PARD3B: variants seen among roughly 807,000 people sequenced by gnomAD.
PARD3B encodes partitioning defective 3 homolog B.
Under a neutral mutation model 130.2 loss-of-function variants are expected in PARD3B, and 103 were observed. The observed-to-expected ratio is 0.79, with a 90% CI of 0.67 to 0.93. The LOEUF (loss-of-function observed/expected upper bound fraction) is 0.93, where lower values mean the gene tolerates loss of function less well. PARD3B is among the 40% of genes least tolerant of loss of function. The pLI is 0.00. For synonymous variants in PARD3B, 583 were observed against 553.2 expected, an observed-to-expected ratio of 1.05 and a Z score of -0.76; for missense variants, 1,609 against 1,499.2, an observed-to-expected ratio of 1.07 and a Z score of -1.21.
Position 205,572,413 on chromosome 2 carries a change from C to T in PARD3B, c.3260+19010C>T, listed in dbSNP as rs2041832. On this transcript the variant is annotated intron_variant, in intron 22 of 22. Coordinates refer to ENST00000406610, the MANE Select transcript of PARD3B (RefSeq NM_001302769.2). The surrounding 1 kb of genome is among the most constrained non-coding windows in gnomAD (Gnocchi z 4.2). ...AAGAAATGGTTTAATCAGATTTGCA[C>T]TGTAGAGAAAGCCCCTTGATAATTT... is the stretch of plus-strand genomic sequence containing the variant. Among the ~76,000 whole-genome samples, 47,612 of 152,100 alleles carry T rather than the reference C, an allele frequency of 0.31. 7,724 individuals carry two copies. Among genetic ancestry groups the T allele is most frequent in the Middle Eastern group, 0.39 (114 of 294 alleles).
At chr2:205,332,054 G>A (rs1045524886) in intron 18 of PARD3B, among the ~76,000 whole-genome samples, 1 of 152,142 alleles carries the variant, frequency 6.6e-6, no homozygotes, top group Non-Finnish European at 1.5e-5. Flanking sequence ...ACAGTGAGCC[G>A]AAATCGTGCC....
intron 15 of PARD3B, among the ~76,000 whole-genome samples, chr2:205,218,033 C>T (rs2038044162): frequency 6.6e-6 from 1 of 150,934 alleles, no homozygotes; most frequent in African/African-American, 2.4e-5. Flanking sequence ...GCTGGGATTA[C>T]AGACGTGCTT....
chr2:205,516,130 C>T (rs1055810448), intron 21 of PARD3B, among the ~76,000 whole-genome samples: 1 of 152,100 alleles, frequency 6.6e-6, no homozygotes, highest in African/African-American at 2.4e-5. Context: ...TTTCTGGGCT[C>T]TCTCTTCTGT....
chr2:205,382,040 G>A (rs1255824714), intron 18 of PARD3B, among the ~76,000 whole-genome samples: 2 of 152,006 alleles, frequency 1.3e-5, no homozygotes, highest in Admixed American at 6.6e-5. Context: ...AGTGCGTAAC[G>A]ATGGTACAGA....
intron 1 of PARD3B, among the ~76,000 whole-genome samples, chr2:204,596,969 T>C (rs994965995): frequency 1.3e-5 from 2 of 151,424 alleles, no homozygotes; most frequent in African/African-American, 2.4e-5. Context: ...TCTCTATATA[T>C]ATATTATATA....
intron 2 of PARD3B, among the ~76,000 whole-genome samples, chr2:204,704,641 T>A (rs1427178854): frequency 6.6e-6 from 1 of 152,212 alleles, no homozygotes; most frequent in Non-Finnish European, 1.5e-5. Flanking sequence ...ACTTGCCTGT[T>A]AAATAGAACT....
At chr2:204,888,196 A>G (rs145931994) in intron 2 of PARD3B, among the ~76,000 whole-genome samples, 145 of 152,278 alleles carry the variant, frequency 9.5e-4, no homozygotes, top group African/African-American at 3.4e-3. Flanking sequence ...ATAGCTACTA[A>G]ACATTTGTGG....
intron 4 of PARD3B, among the ~76,000 whole-genome samples, chr2:205,051,263 T>G (rs1172532068): frequency 6.6e-6 from 1 of 152,146 alleles, no homozygotes; most frequent in African/African-American, 2.4e-5. Flanking sequence ...TAAGTGATGG[T>G]GAATTCGGGG....
intron 2 of PARD3B, among the ~76,000 whole-genome samples, chr2:204,784,462 G>C (rs2041941059): frequency 6.6e-6 from 1 of 152,122 alleles, no homozygotes; most frequent in Non-Finnish European, 1.5e-5. Context: ...TACCCTTCTG[G>C]TATACAAATA....
chr2:205,443,931 G>A (rs2047813836), intron 20 of PARD3B, among the ~76,000 whole-genome samples: 1 of 152,126 alleles, frequency 6.6e-6, no homozygotes, highest in Admixed American at 6.6e-5. Context: ...TTGAGGCCAG[G>A]AGTTGGAGAC....
At chr2:205,383,441 C>T (rs1252092382) in intron 18 of PARD3B, among the ~76,000 whole-genome samples, 14 of 151,944 alleles carry the variant, frequency 9.2e-5, no homozygotes, top group Admixed American at 9.2e-4. Context: ...TTCTTTTTGC[C>T]TTTAGCTTTG....
chr2:204,922,146 T>C (rs1243292407), intron 2 of PARD3B, among the ~76,000 whole-genome samples: 5 of 152,104 alleles, frequency 3.3e-5, no homozygotes, highest in South Asian at 4.1e-4. Context: ...CAAAGAACAC[T>C]GGTTAGGATG....
At chr2:204,602,565 T>C (rs1007841623) in intron 1 of PARD3B, among the ~76,000 whole-genome samples, 2 of 152,112 alleles carry the variant, frequency 1.3e-5, no homozygotes, top group African/African-American at 4.8e-5. Context: ...CCTTGTACTT[T>C]AATCTGCATT....
At chr2:205,094,320 G>T (rs1198667019) in intron 4 of PARD3B, among the ~76,000 whole-genome samples, 1 of 152,142 alleles carries the variant, frequency 6.6e-6, no homozygotes. Context: ...GATGCACATG[G>T]CAAAGTCAGG....
At chr2:205,059,951 A>T (rs1322145462) in intron 4 of PARD3B, among the ~76,000 whole-genome samples, 1 of 152,118 alleles carries the variant, frequency 6.6e-6, no homozygotes, top group African/African-American at 2.4e-5. Flanking sequence ...CATCCCATGA[A>T]CATCTGCAAG....
At chr2:205,150,069 G>A (rs962077283) in intron 10 of PARD3B, among the ~76,000 whole-genome samples, 1 of 152,204 alleles carries the variant, frequency 6.6e-6, no homozygotes, top group African/African-American at 2.4e-5. Flanking sequence ...CACCTATGCA[G>A]GGGAGGCATT....
rs1396053465 is a variant in PARD3B at position 205,176,052 on chromosome 2, C to T, written c.1792-393C>T. ...TTGTCCTAGAGCATATGCACTTAGG[C>T]GCAGAGAGAGAGAGGAACCAGCTGG... On this transcript the variant is annotated intron_variant, in intron 12 of 22. Transcript: ENST00000406610. The surrounding 1 kb of genome is among the most constrained non-coding windows in gnomAD (Gnocchi z 5.3). 1.3e-5 allele frequency among the ~76,000 whole-genome samples: 2 copies of T among 152,208 alleles called. No individual in the cohort carries two copies. The highest frequency in any genetic ancestry group is 4.8e-5 in the African/African-American group (2 of 41,538).
intron 2 of PARD3B, among the ~76,000 whole-genome samples, chr2:204,859,819 T>G (rs2045110398): frequency 1.3e-5 from 2 of 152,178 alleles, no homozygotes; most frequent in South Asian, 4.1e-4. Flanking sequence ...TCTCTTCCTT[T>G]AAGGAATTTC....
At chr2:204,748,610 C>A (rs1353492021) in intron 2 of PARD3B, among the ~76,000 whole-genome samples, 2 of 152,060 alleles carry the variant, frequency 1.3e-5, no homozygotes, top group Non-Finnish European at 2.9e-5. Context: ...TTTAATTACT[C>A]AAAAGCTTAT....
Sources: allele counts gnomAD v4.1 joint callset (sites outside exome capture counted in the v4.1 genomes callset), GRCh38; gene constraint gnomAD v4.1.1; non-coding constraint Gnocchi (gnomAD v3.1); transcripts MANE v1.5; gene names NCBI Gene and HGNC (gene_info 2026-07-23, HGNC 2026-07-21).